The following CREB3L3 variants were observed in gnomAD, a reference collection of about 807,000 sequenced individuals.
CREB3L3 encodes the protein cyclic AMP-responsive element-binding protein 3-like protein 3.
Under a neutral mutation model 44.6 loss-of-function variants are expected in CREB3L3, and 40 were observed. That is an observed-to-expected ratio of 0.90 (90% confidence interval 0.70 to 1.17). The LOEUF is 1.17. Ranked by LOEUF, CREB3L3 falls within the 50% of genes most tolerant of loss-of-function variation. The probability of loss-of-function intolerance (pLI) is 0.00; values close to 1 mark genes in which losing one functional copy is unlikely to be tolerated. For missense variants in CREB3L3, 578 were observed against 595.8 expected, an observed-to-expected ratio of 0.97 and a Z score of 0.31; for synonymous variants, 273 against 256.3, an observed-to-expected ratio of 1.06 and a Z score of -0.62.
intron 4 of CREB3L3, among the ~76,000 whole-genome samples, chr19:4,160,555 T>C (rs2041645981): frequency 6.7e-6 from 1 of 149,838 alleles, no homozygotes; most frequent in Non-Finnish European, 1.5e-5. Flanking sequence ...TTGTCTTTTT[T>C]ATTTTATTTT....
intron 3 of CREB3L3, among the ~76,000 whole-genome samples, chr19:4,159,022 A>G (rs539006774): frequency 2.6e-5 from 4 of 152,236 alleles, no homozygotes; most frequent in African/African-American, 9.6e-5. Flanking sequence ...GCTGGCTGCA[A>G]ATCTAGCCTG....
At position 4,173,042 on chromosome 19, in the gene CREB3L3, T is replaced by A. The variant is rs1967093378; in HGVS notation, c.*1073T>A. The A allele has an allele frequency of 6.6e-6, 1 of 152,372 alleles. No homozygotes were observed. The allele number at this position is 152,372 out of a possible 1,614,324, so 9.4% of individuals were successfully genotyped here. On this transcript the variant is annotated 3_prime_UTR_variant, in exon 10 of 10. Coordinates refer to ENST00000078445, the MANE Select transcript of CREB3L3 (RefSeq NM_032607.3). Reference sequence around the variant, plus strand: ...TAAGACTGCCTGATCCGAAATAAAGTATTTTGACAGAACCTTGTTTTGGTG... The same window carrying A: ...TAAGACTGCCTGATCCGAAATAAAGAATTTTGACAGAACCTTGTTTTGGTG...
In CREB3L3 at chr19:4,168,418, G is replaced by GGAA; in HGVS notation, c.793_795dup (p.Lys265dup). 1.9e-6 allele frequency: 3 copies of GGAA among 1,611,256 alleles called. No individual in the cohort carries two copies. The highest frequency in any genetic ancestry group is 2.7e-5 in the African/African-American group (2 of 74,948). On this transcript the variant is annotated inframe_insertion, in exon 6 of 10. Transcript: ENST00000078445. ...AACAAGCAGTCGGCGCAAGAAAGCA[G>GGAA]GAAGAAGAAGAAGGAATATATCGAT...
intron 3 of CREB3L3, among the ~76,000 whole-genome samples, chr19:4,158,741 C>T (rs1291492095): frequency 4.8e-5 from 7 of 145,800 alleles, no homozygotes; most frequent in South Asian, 2.2e-4. Context: ...GTGGAGGTTG[C>T]GGTGAGCCAA....
chr19:4,164,711 CTTTA>C (rs199827224), intron 5 of CREB3L3, 71 bp downstream of exon 5: 10 of 1,537,320 alleles, frequency 6.5e-6, no homozygotes, highest in Admixed American at 1.8e-5. Flanking sequence ...TGTGTCCCAC[CTTTA>C]TTTATTTATT....
In CREB3L3 at chr19:4,171,479, G is replaced by C; in HGVS notation, c.1072G>C (p.Val358Leu). 6.2e-7 allele frequency: 1 copy of C among 1,614,004 alleles called. No homozygotes were observed. The highest frequency in any genetic ancestry group is 8.5e-7 in the Non-Finnish European group (1 of 1,179,934). ...ESPGDFAPVR[V>L]FSRTLHNDAA... ...CCCTGGGGACTTTGCGCCTGTACGA[G>C]GTAGGGGATCCCCACCTTTGAAACC... Residue 358 changes from valine to leucine, a missense_variant and splice_region_variant, in exon 9 of 10, where the codon GTG becomes CTG. Physicochemically the swap from Val to Leu is conservative, Grantham distance 32. Transcript: ENST00000078445. The surrounding 1 kb of genome is among the most constrained non-coding windows in gnomAD (Gnocchi z 4.9).
chr19:4,161,369 C>A (rs1194493207), intron 4 of CREB3L3, among the ~76,000 whole-genome samples: 1 of 152,096 alleles, frequency 6.6e-6, no homozygotes, highest in East Asian at 1.9e-4. Flanking sequence ...CTGCTTTGTC[C>A]TCTCACAGTG....
At chr19:4,163,470 G>A (rs1159285443) in intron 4 of CREB3L3, among the ~76,000 whole-genome samples, 10 of 152,292 alleles carry the variant, frequency 6.6e-5, no homozygotes, top group Non-Finnish European at 1.0e-4. Context: ...TCAAAGGACC[G>A]TGTGTTGGTT....
At chr19:4,161,242 G>A (rs1394030546) in intron 4 of CREB3L3, among the ~76,000 whole-genome samples, 3 of 151,758 alleles carry the variant, frequency 2.0e-5, no homozygotes, top group Non-Finnish European at 4.4e-5. Context: ...GATTACAGGC[G>A]TGAGCCACCG....
chr19:4,162,167 G>A (rs534732007), intron 4 of CREB3L3, among the ~76,000 whole-genome samples: 1 of 152,000 alleles, frequency 6.6e-6, no homozygotes, highest in African/African-American at 2.4e-5. Context: ...CACCATGCCC[G>A]ACTAATTTTT....
intron 4 of CREB3L3, 32 bp from the exon 5 acceptor site, chr19:4,164,471 A>G: frequency 6.2e-7 from 1 of 1,612,742 alleles, no homozygotes; most frequent in Non-Finnish European, 8.5e-7. Flanking sequence ...GCGTCCCTGC[A>G]CCCGCCGTCA....
intron 5 of CREB3L3, among the ~76,000 whole-genome samples, chr19:4,167,139 T>C (rs1057502961): frequency 2.0e-5 from 3 of 152,146 alleles, no homozygotes; most frequent in Admixed American, 1.3e-4. Flanking sequence ...GGTCAGGAGT[T>C]TGAGACCAGC....
In CREB3L3 at chr19:4,171,859, A is replaced by G. The variant is rs763282147; in HGVS notation, c.1276A>G (p.Arg426Gly). 2 of 1,613,560 alleles carry G rather than the reference A, an allele frequency of 1.2e-6. No individual in the cohort carries two copies. The highest frequency in any genetic ancestry group is 1.7e-6 in the Non-Finnish European group (2 of 1,179,992). ...EELDNATLVL[R>G]NATEGLGQVA... ...GCTGGACAACGCCACCCTGGTCCTGAGGAATGCAACAGAGGGGCTGGGCCA... is the reference window on the plus strand; with the variant it reads ...GCTGGACAACGCCACCCTGGTCCTGGGGAATGCAACAGAGGGGCTGGGCCA... The change falls in exon 10 of 10, where the codon AGG becomes GGG. Residue 426 changes from arginine (R) to glycine (G), a missense_variant. Physicochemically the swap from Arg to Gly is moderately radical, Grantham distance 125. Coordinates refer to ENST00000078445, the MANE Select transcript of CREB3L3 (RefSeq NM_032607.3). The surrounding 1 kb of genome is among the most constrained non-coding windows in gnomAD (Gnocchi z 4.9).
Position 4,157,095 on chromosome 19 carries a change from A to G in CREB3L3, c.257A>G (p.Asp86Gly). Residue 86 changes from aspartate to glycine, a missense_variant, in exon 3 of 10, where the codon GAT (aspartate) becomes GGT (glycine). Transcript: ENST00000078445. ...CCACTCTGGTCCCCCGAAGGCAGTG[A>G]TAGTGGCATCTCCGAAGACCTCCCC... ...SSPLWSPEGSDSGISEDLPSD... is the reference protein window; with the variant it reads ...SSPLWSPEGSGSGISEDLPSD... 6.2e-7 allele frequency: 1 copy of G among 1,613,956 alleles called. No individual in the cohort carries two copies. The highest frequency in any genetic ancestry group is 2.2e-5 in the East Asian group (1 of 44,868).
At position 4,157,126 on chromosome 19, in the gene CREB3L3, C is replaced by A. The variant is rs1161647156; in HGVS notation, c.288C>A (p.Asp96Glu). 6.2e-7 allele frequency: 1 copy of A among 1,614,022 alleles called. No individual in the cohort carries two copies. ...DSGISEDLPS[D>E]PQDTPPRSGP... ...GCATCTCCGAAGACCTCCCCTCCGA[C>A]CCCCAGGACACCCCTCCACGCAGCG... The change falls in exon 3 of 10, where the codon GAC (aspartate) becomes GAA (glutamate). Residue 96 changes from aspartate to glutamate, a missense_variant. Asp to Glu is a conservative substitution (Grantham distance 45, BLOSUM62 2). Transcript: ENST00000078445.
intron 4 of CREB3L3, 102 bp from the exon 5 acceptor site, chr19:4,164,401 C>A (rs754705707): frequency 5.0e-5 from 74 of 1,478,846 alleles, no homozygotes; most frequent in Non-Finnish European, 6.5e-5. Flanking sequence ...AGCCACCACA[C>A]CCAGCCTGGG....
Position 4,156,434 on chromosome 19 carries a change from G to T in CREB3L3, c.157-561G>T, listed in dbSNP as rs537596636. On this transcript the variant is annotated intron_variant, in intron 2 of 9. Transcript: ENST00000078445. The stretch of plus-strand genomic sequence containing the variant: ...ACTCCCGACCTCAGGTGATCTGCCC[G>T]CCTTGGCCTCCCAAAGTGCTGGGAT... Among the ~76,000 whole-genome samples the T allele has an allele frequency of 8.3e-4, 125 of 151,162 alleles. No homozygotes were observed. In the Middle Eastern group the frequency reaches 0.011, roughly 13 times the overall value.
chr19:4,160,650 G>C (rs2041647466), intron 4 of CREB3L3, among the ~76,000 whole-genome samples: 2 of 151,972 alleles, frequency 1.3e-5, no homozygotes, highest in African/African-American at 2.4e-5. Flanking sequence ...CTGCCTCCCG[G>C]GTTCAAGTGA....
In CREB3L3 at chr19:4,171,605, T is replaced by C; in HGVS notation, c.1073-51T>C. The C allele has an allele frequency of 3.1e-6, 5 of 1,604,994 alleles. No individual in the cohort carries two copies. The highest frequency in any genetic ancestry group is 4.3e-6 in the Non-Finnish European group (5 of 1,172,270). ...AGGCTGGGGGCCAGGGAAGGGAGCA[T>C]AGGACCCCACCTCCACCTTGTCCCC... is the stretch of plus-strand genomic sequence containing the variant. On this transcript the variant is annotated intron_variant, in intron 9 of 9. Transcript: ENST00000078445. This position sits in a 1 kb window ranked among gnomAD's most constrained non-coding sequence, Gnocchi z 4.9.
Sources: allele counts gnomAD v4.1 joint callset (sites outside exome capture counted in the v4.1 genomes callset), GRCh38; gene constraint gnomAD v4.1.1; non-coding constraint Gnocchi (gnomAD v3.1); transcripts MANE v1.5; gene names NCBI Gene and HGNC (gene_info 2026-07-23, HGNC 2026-07-21).